Variants in APAF1 observed in about 807,000 individuals in gnomAD.
APAF1 encodes apoptotic peptidase activating factor 1, also known as apoptotic protease-activating factor 1.
In APAF1, 91 loss-of-function variants were observed where a neutral mutation model predicts 152.4. The ratio of observed to expected loss-of-function variants is 0.60; its 90% CI spans 0.50 to 0.71. The LOEUF is 0.71. Ranked by LOEUF, APAF1 falls within the 30% of genes least tolerant of loss-of-function variation. The pLI is 0.00. For synonymous variants in APAF1, 484 were observed against 494.1 expected (o/e 0.98, Z 0.27); for missense variants, 1,283 against 1,472.0 (o/e 0.87, Z 2.10).
intron 12 of APAF1, among the ~76,000 whole-genome samples, chr12:98,673,775 A>C (rs1490958414): frequency 2.0e-5 from 3 of 152,316 alleles, no homozygotes; most frequent in African/African-American, 7.2e-5. Flanking sequence ...TCTTTCCCCT[A>C]AGGAGTTCAA....
intron 26 of APAF1, among the ~76,000 whole-genome samples, chr12:98,732,219 G>A (rs571143936): frequency 1.3e-5 from 2 of 152,328 alleles, no homozygotes; most frequent in South Asian, 4.1e-4. Flanking sequence ...TGTAGGCGGA[G>A]CAGTGAGGCC....
chr12:98,702,272 A>C (rs2097716290), intron 17 of APAF1, among the ~76,000 whole-genome samples: 1 of 151,804 alleles, frequency 6.6e-6, no homozygotes, highest in South Asian at 2.1e-4. Context: ...TCACCATGTT[A>C]GCCAGGATGG....
intron 5 of APAF1, among the ~76,000 whole-genome samples, chr12:98,661,333 G>C (rs1307061986): frequency 6.6e-6 from 1 of 152,026 alleles, no homozygotes; most frequent in Non-Finnish European, 1.5e-5. Flanking sequence ...GACTTCTGTT[G>C]AGTAAAATAA....
At chr12:98,657,654 G>T (rs958259432) in intron 4 of APAF1, among the ~76,000 whole-genome samples, 12 of 152,210 alleles carry the variant, frequency 7.9e-5, no homozygotes, top group African/African-American at 2.9e-4. Flanking sequence ...AAGGTGGGTT[G>T]TTTCCAGCTT....
intron 20 of APAF1, among the ~76,000 whole-genome samples, chr12:98,708,933 A>C (rs1593096454): frequency 6.6e-6 from 1 of 152,326 alleles, no homozygotes; most frequent in East Asian, 1.9e-4. Context: ...GTTGCTATCT[A>C]TGATCACATT....
chr12:98,661,857 G>T (rs2097665820), intron 5 of APAF1, among the ~76,000 whole-genome samples: 1 of 151,288 alleles, frequency 6.6e-6, no homozygotes, highest in African/African-American at 2.4e-5. Context: ...CCCCTCATCT[G>T]TTCTAGTGAG....
At position 98,708,697 on chromosome 12, in the gene APAF1, G is replaced by T. The variant is rs146420669; in HGVS notation, c.2834G>T (p.Arg945Leu). 1.1e-4 allele frequency: 176 copies of T among 1,612,768 alleles called. No individual in the cohort carries two copies. The highest frequency in any genetic ancestry group is 6.8e-4 in the Admixed American group (41 of 59,930). ...VMVLAVDHIR[R>L]LQLINGRTGQ... The stretch of plus-strand genomic sequence containing the variant: ...GTCCTTGCAGTTGACCATATAAGAC[G>T]TCTGCAAGTGAGTATTTTTTAGAAA... Residue 945 changes from arginine to leucine, a missense_variant, in exon 20 of 27, where the codon CGT (arginine) becomes CTT (leucine). Coordinates refer to ENST00000551964, the MANE Select transcript of APAF1 (RefSeq NM_181861.2).
intron 13 of APAF1, among the ~76,000 whole-genome samples, chr12:98,679,263 G>A (rs968679778): frequency 1.3e-5 from 2 of 152,152 alleles, no homozygotes; most frequent in Admixed American, 6.5e-5. Flanking sequence ...TTTGCTGAGA[G>A]CTGTGCAGAT....
intron 3 of APAF1, 99 bp downstream of exon 3, chr12:98,648,914 CT>C: frequency 8.8e-7 from 1 of 1,141,876 alleles, no homozygotes; most frequent in South Asian, 1.2e-5. Context: ...GACCAGTTCA[CT>C]GAAAACTGCA....
rs1193676043 is a variant in APAF1 at position 98,733,537 on chromosome 12, A to G, written c.*971A>G. 1 of 152,432 alleles carries G rather than the reference A, an allele frequency of 6.6e-6. No homozygotes were observed. The highest frequency in any genetic ancestry group is 6.5e-5 in the Admixed American group (1 of 15,268). 9.4% of individuals were successfully genotyped at this position (152,432 alleles called of 1,614,324 possible). The stretch of plus-strand genomic sequence containing the variant: ...AGCCTCAGACTCCTGGGTTCAAGCA[A>G]TCCTCCTGCCTCAGCCTCCCAAGTA... On this transcript the variant is annotated 3_prime_UTR_variant, in exon 27 of 27. Transcript: ENST00000551964.
Position 98,699,675 on chromosome 12 carries a change from G to T in APAF1, c.2466+106G>T, listed in dbSNP as rs190328340. On this transcript the variant is annotated intron_variant, in intron 17 of 26. Coordinates refer to ENST00000551964, the MANE Select transcript of APAF1 (RefSeq NM_181861.2). ...ATTCATAAAAATAAAGTCTAGCTGTGTGATTTTGGGCAGTCTTCCTAACCT... is the reference window on the plus strand; with the variant it reads ...ATTCATAAAAATAAAGTCTAGCTGTTTGATTTTGGGCAGTCTTCCTAACCT... The T allele has an allele frequency of 5.4e-5, 72 of 1,321,934 alleles. No individual in the cohort carries two copies. In the African/African-American group the frequency reaches 7.9e-4, roughly 14 times the overall value. The allele number at this position is 1,321,934 out of a possible 1,614,324, so 81.9% of individuals were successfully genotyped here.
intron 22 of APAF1, among the ~76,000 whole-genome samples, chr12:98,717,913 G>C (rs771741661): frequency 3.3e-5 from 5 of 151,996 alleles, no homozygotes; most frequent in Non-Finnish European, 7.4e-5. Flanking sequence ...AGTATCTTCA[G>C]GTCTTTTGTC....
At chr12:98,680,601 A>T (rs2097691238) in intron 14 of APAF1, among the ~76,000 whole-genome samples, 199 bp downstream of exon 14, 1 of 152,146 alleles carries the variant, frequency 6.6e-6, no homozygotes, top group South Asian at 2.1e-4. Flanking sequence ...CCCAGGCTGG[A>T]GGGCAGTGGC....
At chr12:98,655,826 C>T (rs2097656741) in intron 4 of APAF1, among the ~76,000 whole-genome samples, 1 of 151,426 alleles carries the variant, frequency 6.6e-6, no homozygotes, top group South Asian at 2.1e-4. Context: ...CTCTGTCGCC[C>T]AGGTTGGAGT....
At chr12:98,647,235 G>A (rs1299655834) in intron 1 of APAF1, among the ~76,000 whole-genome samples, 1 of 149,022 alleles carries the variant, frequency 6.7e-6, no homozygotes, top group Non-Finnish European at 1.5e-5. Flanking sequence ...GGTCAACATG[G>A]TGAAACCCCG....
chr12:98,674,589 A>G (rs1335181689), intron 12 of APAF1, among the ~76,000 whole-genome samples: 1 of 152,182 alleles, frequency 6.6e-6, no homozygotes, highest in Non-Finnish European at 1.5e-5. Flanking sequence ...TTTCTCTCAT[A>G]CTAGTCCATG....
At chr12:98,722,256 A>ATT (rs2097744102) in intron 22 of APAF1, among the ~76,000 whole-genome samples, 1 of 152,132 alleles carries the variant, frequency 6.6e-6, no homozygotes, top group Non-Finnish European at 1.5e-5. Context: ...TCTCTAAGGA[A>ATT]TTACTTTTTT....
chr12:98,713,109 A>C (rs962318764), intron 21 of APAF1, among the ~76,000 whole-genome samples: 2 of 152,226 alleles, frequency 1.3e-5, no homozygotes, highest in African/African-American at 4.8e-5. Context: ...ATGAGCCACC[A>C]CATCCAGCCT....
rs149082685 is a variant in APAF1 at position 98,730,658 on chromosome 12, T to A, written c.3601-1762T>A. On this transcript the variant is annotated intron_variant, in intron 26 of 26. Transcript: ENST00000551964. ...TTGATTACTAGCTTATTCAACTGAT[T>A]ATGATATAGCCCAGCCTGCATCTAC... Among the ~76,000 whole-genome samples the A allele has an allele frequency of 2.9e-3, 449 of 152,324 alleles. 1 individual carries two copies. The highest frequency in any genetic ancestry group is 0.014 in the Middle Eastern group (4 of 294).
Sources: gnomAD v4.1 joint callset for allele counts (sites outside exome capture counted in the v4.1 genomes callset) on GRCh38, gnomAD v4.1.1 for gene constraint, MANE v1.5 for transcripts, NCBI Gene and HGNC (gene_info 2026-07-23, HGNC 2026-07-21) for gene names.